Variants in NDUFS4 observed in about 807,000 individuals in gnomAD.
NDUFS4 encodes NADH dehydrogenase [ubiquinone] iron-sulfur protein 4, mitochondrial.
In NDUFS4, 28 loss-of-function variants were observed where a neutral mutation model predicts 24.3. The observed-to-expected ratio is 1.15, with a 90% confidence interval of 0.85 to 1.58. NDUFS4 has a LOEUF of 1.58. Among genes scored for constraint, NDUFS4 ranks in the 40% most tolerant of loss-of-function variants. The probability of loss-of-function intolerance (pLI) is 0.00; values close to 1 mark genes in which losing one functional copy is unlikely to be tolerated. For missense variants in NDUFS4, 223 were observed against 207.9 expected (o/e 1.07, Z -0.45); for synonymous variants, 93 against 69.7 (o/e 1.34, Z -1.67).
At chr5:53,568,787 A>G (rs1749123532) in intron 1 of NDUFS4, among the ~76,000 whole-genome samples, 1 of 152,186 alleles carries the variant, frequency 6.6e-6, no homozygotes, top group African/African-American at 2.4e-5. Context: ...AGAAAGTTTC[A>G]TGCTTCTCTA....
chr5:53,603,106 A>G (rs902370645), intron 1 of NDUFS4, among the ~76,000 whole-genome samples: 4 of 152,082 alleles, frequency 2.6e-5, no homozygotes, highest in African/African-American at 9.7e-5. Context: ...TTCCAGAACA[A>G]TTGGTATAGC....
intron 4 of NDUFS4, among the ~76,000 whole-genome samples, chr5:53,671,419 A>G (rs972979913): frequency 5.9e-5 from 9 of 152,150 alleles, no homozygotes; most frequent in Non-Finnish European, 1.3e-4. Flanking sequence ...TCCCACTACC[A>G]TGTCCCCAAA....
At chr5:53,678,644 A>AT in intron 4 of NDUFS4, among the ~76,000 whole-genome samples, 1 of 152,312 alleles carries the variant, frequency 6.6e-6, no homozygotes, top group African/African-American at 2.4e-5. Context: ...ATTCAGAAAA[A>AT]TAAGTTTGGG....
At chr5:53,638,657 T>G (rs1751622635) in intron 2 of NDUFS4, among the ~76,000 whole-genome samples, 2 of 151,986 alleles carry the variant, frequency 1.3e-5, no homozygotes, top group Admixed American at 1.3e-4. Flanking sequence ...TGATATGAGT[T>G]TACCTATATA....
chr5:53,595,019 T>G (rs1367482560), intron 1 of NDUFS4, among the ~76,000 whole-genome samples: 5 of 152,138 alleles, frequency 3.3e-5, no homozygotes, highest in Non-Finnish European at 7.4e-5. Context: ...TATTATTTAT[T>G]GAATAGCCCA....
intron 2 of NDUFS4, among the ~76,000 whole-genome samples, chr5:53,610,230 T>C (rs977898724): frequency 1.3e-5 from 2 of 152,158 alleles, no homozygotes; most frequent in Non-Finnish European, 2.9e-5. Context: ...AATTTCAATA[T>C]TGTTGTCTCA....
chr5:53,644,618 T>G (rs1751804228), intron 2 of NDUFS4, among the ~76,000 whole-genome samples: 1 of 152,092 alleles, frequency 6.6e-6, no homozygotes, highest in African/African-American at 2.4e-5. Context: ...ACCTGAATAT[T>G]AGAAATTACC....
chr5:53,648,190 G>C (rs576541897), intron 3 of NDUFS4, among the ~76,000 whole-genome samples: 3 of 152,236 alleles, frequency 2.0e-5, no homozygotes, highest in Admixed American at 1.3e-4. Flanking sequence ...TTAGTCTTTG[G>C]AGTGAATCTG....
intron 1 of NDUFS4, chr5:53,573,575 A>C (rs1243661722): frequency 2.2e-6 from 1 of 451,372 alleles, no homozygotes; most frequent in Non-Finnish European, 4.4e-6. Flanking sequence ...CATTGCTTTT[A>C]AAATTTTCTT....
intron 2 of NDUFS4, among the ~76,000 whole-genome samples, chr5:53,606,167 G>T (rs1032288843): frequency 6.6e-6 from 1 of 152,066 alleles, no homozygotes; most frequent in Non-Finnish European, 1.5e-5. Context: ...CTAGGTGACA[G>T]AGCGAGACTC....
At chr5:53,640,045 C>G (rs1175206213) in intron 2 of NDUFS4, among the ~76,000 whole-genome samples, 6 of 151,888 alleles carry the variant, frequency 4.0e-5, no homozygotes, top group Non-Finnish European at 7.4e-5. Flanking sequence ...CAGAGTCCAT[C>G]TAAGTGAACA....
At chr5:53,567,980 C>T (rs908796567) in intron 1 of NDUFS4, among the ~76,000 whole-genome samples, 1 of 152,030 alleles carries the variant, frequency 6.6e-6, no homozygotes, top group Admixed American at 6.6e-5. Flanking sequence ...TATGCAGTGA[C>T]CACATTCTTC....
chr5:53,606,635 G>A (rs943658069), intron 2 of NDUFS4, among the ~76,000 whole-genome samples: 4 of 152,304 alleles, frequency 2.6e-5, no homozygotes, highest in Non-Finnish European at 5.9e-5. Flanking sequence ...GAAGTGCTGG[G>A]ATTACAGGCA....
intron 1 of NDUFS4, among the ~76,000 whole-genome samples, chr5:53,597,279 A>G (rs1264936779): frequency 1.3e-5 from 2 of 152,214 alleles, no homozygotes; most frequent in African/African-American, 2.4e-5. Flanking sequence ...ACAGGGAGTG[A>G]AAACAGATAG....
At chr5:53,618,085 C>G (rs960265191) in intron 2 of NDUFS4, among the ~76,000 whole-genome samples, 3 of 152,004 alleles carry the variant, frequency 2.0e-5, no homozygotes, top group Non-Finnish European at 4.4e-5. Flanking sequence ...GAGACCAGCC[C>G]AGGCAAATGG....
intron 4 of NDUFS4, among the ~76,000 whole-genome samples, chr5:53,666,384 C>A (rs544951175): frequency 3.9e-5 from 6 of 152,266 alleles, no homozygotes; most frequent in Admixed American, 3.3e-4. Context: ...AAATCAAGTG[C>A]CTTTCTATCT....
At chr5:53,639,401 T>C (rs1400685815) in intron 2 of NDUFS4, among the ~76,000 whole-genome samples, 1 of 151,932 alleles carries the variant, frequency 6.6e-6, no homozygotes, top group Admixed American at 6.6e-5. Flanking sequence ...TCCAAAAGTA[T>C]ATAAATTCAA....
intron 3 of NDUFS4, among the ~76,000 whole-genome samples, chr5:53,651,129 C>T (rs574517868): frequency 6.6e-6 from 1 of 152,152 alleles, no homozygotes; most frequent in East Asian, 1.9e-4. Context: ...TTTTAAAAAA[C>T]ATTCATTAAT....
chr5:53,610,000 T>TC (rs1211331943), intron 2 of NDUFS4, among the ~76,000 whole-genome samples: 1 of 152,200 alleles, frequency 6.6e-6, no homozygotes, highest in African/African-American at 2.4e-5. Flanking sequence ...TTCTTATCAT[T>TC]CATGTGTTCA....
Sources: gnomAD v4.1 joint callset for allele counts (sites outside exome capture counted in the v4.1 genomes callset) on GRCh38, gnomAD v4.1.1 for gene constraint, MANE v1.5 for transcripts, NCBI Gene and HGNC (gene_info 2026-07-23, HGNC 2026-07-21) for gene names.